Variants in CCDC88C observed in about 807,000 individuals in gnomAD.
CCDC88C encodes coiled-coil and HOOK domain protein 88C, also known as protein Daple.
CCDC88C carries 131 observed loss-of-function variants against 198.8 expected under a neutral mutation model. The ratio of observed to expected loss-of-function variants is 0.66; its 90% CI spans 0.57 to 0.76. CCDC88C has a LOEUF of 0.76. Ranked by LOEUF, CCDC88C falls within the 30% of genes least tolerant of loss-of-function variation. The pLI is 0.00. For missense variants in CCDC88C, 2,553 were observed against 2,631.6 expected, an observed-to-expected ratio of 0.97 and a Z score of 0.65; for synonymous variants, 1,166 against 1,114.7, an observed-to-expected ratio of 1.05 and a Z score of -0.92.
At chr14:91,307,277 T>C in intron 17 of CCDC88C, 51 bp from the exon 18 acceptor site, 4 of 1,575,218 alleles carry the variant, frequency 2.5e-6, no homozygotes, top group Non-Finnish European at 3.5e-6. Flanking sequence ...CAGCCTGGCC[T>C]GGAGCCCCGA....
chr14:91,327,384 C>T lies in CCDC88C; in HGVS notation c.1051-1328G>A, dbSNP rs551422110. 7.9e-5 allele frequency among the ~76,000 whole-genome samples: 12 copies of T among 152,312 alleles called. No homozygotes were observed. In the South Asian group the frequency reaches 1.7e-3, roughly 21 times the overall value. On this transcript the variant is annotated intron_variant, in intron 10 of 29. Coordinates refer to ENST00000389857, the MANE Select transcript of CCDC88C (RefSeq NM_001080414.4). Reference sequence around the variant, plus strand: ...GCCATTAAGTCTCTGGATTCACCTGCGTGCCCTCCTCTCGCTGCCTGTGCC... The same window carrying T: ...GCCATTAAGTCTCTGGATTCACCTGTGTGCCCTCCTCTCGCTGCCTGTGCC...
rs141811838 is a variant in CCDC88C at position 91,378,082 on chromosome 14, T to C, written c.271-18371A>G. Among the ~76,000 whole-genome samples the C allele has an allele frequency of 3.8e-3, 581 of 152,256 alleles. 1 individual carries two copies. Among genetic ancestry groups the C allele is most frequent in the African/African-American group, 0.013 (551 of 41,538 alleles). On this transcript the variant is annotated intron_variant, in intron 3 of 29. Transcript: ENST00000389857. ...AACATGACCTCTGGCCCTGTGGAGA[T>C]TACCAGCTCATTAAAAGACACACGC...
At chr14:91,302,692 C>T (rs1383977093) in intron 20 of CCDC88C, among the ~76,000 whole-genome samples, 1 of 152,160 alleles carries the variant, frequency 6.6e-6, no homozygotes, top group Admixed American at 6.5e-5. Flanking sequence ...AAATGACTGT[C>T]GAGAGTGCAT....
chr14:91,375,576 G>A (rs979748367), intron 3 of CCDC88C, among the ~76,000 whole-genome samples: 1 of 152,118 alleles, frequency 6.6e-6, no homozygotes, highest in Non-Finnish European at 1.5e-5. Context: ...ACCTGCTCAC[G>A]AGGCAGACCA....
intron 4 of CCDC88C, among the ~76,000 whole-genome samples, chr14:91,348,995 A>T (rs1203473705): frequency 2.0e-5 from 3 of 152,190 alleles, no homozygotes; most frequent in African/African-American, 7.2e-5. Flanking sequence ...CCGATGCCCA[A>T]TTTCTTTCAG....
intron 2 of CCDC88C, among the ~76,000 whole-genome samples, chr14:91,413,333 C>A (rs1277079258): frequency 1.3e-5 from 2 of 152,196 alleles, no homozygotes; most frequent in East Asian, 1.9e-4. Context: ...AAAATACCAT[C>A]CCCTTATTAC....
intron 15 of CCDC88C, among the ~76,000 whole-genome samples, chr14:91,311,568 C>G (rs186892463): frequency 7.7e-4 from 118 of 152,354 alleles, no homozygotes; most frequent in African/African-American, 2.8e-3. Flanking sequence ...GGTGCCTGAA[C>G]TGGGCCTTAA....
intron 3 of CCDC88C, among the ~76,000 whole-genome samples, chr14:91,375,520 G>A (rs906773044): frequency 3.3e-5 from 5 of 152,130 alleles, no homozygotes; most frequent in African/African-American, 1.2e-4. Flanking sequence ...ATCAAAGAGC[G>A]TTTTCGGGGA....
chr14:91,366,629 A>C (rs1894555775), intron 3 of CCDC88C, among the ~76,000 whole-genome samples: 1 of 152,256 alleles, frequency 6.6e-6, no homozygotes, highest in Admixed American at 6.5e-5. Flanking sequence ...TTGCCATTTT[A>C]AATAATAGCC....
At chr14:91,406,722 C>T (rs1416825252) in intron 3 of CCDC88C, among the ~76,000 whole-genome samples, 1 of 152,248 alleles carries the variant, frequency 6.6e-6, no homozygotes, top group Non-Finnish European at 1.5e-5. Context: ...GGCACAGCCA[C>T]CAGGCCCTCA....
chr14:91,272,687 G>A lies in CCDC88C; in HGVS notation c.6025C>T (p.Pro2009Ser). ...CSRGSVSKSS[P>S]ASPEPGGDPQ... is the part of the protein sequence containing the mutation. ...TCCCCGCCGGGCTCCGGGGAGGCCG[G>A]ACTGCTCTTTGAGACGCTCCCTCGA... The change falls in exon 30 of 30, where the codon CCG becomes TCG. Residue 2009 changes from proline to serine, a missense_variant. Pro to Ser is a moderately conservative substitution (Grantham distance 74). Around this residue, in one of 2 missense-constraint regions of CCDC88C, gnomAD observed 1,293 missense variants for 1,219.6 expected, o/e 1.06. Transcript: ENST00000389857. The A allele has an allele frequency of 6.2e-7, 1 of 1,611,698 alleles. No homozygotes were observed. Among genetic ancestry groups the A allele is most frequent in the South Asian group, 1.1e-5 (1 of 91,036 alleles).
intron 27 of CCDC88C, 178 bp from the exon 28 acceptor site, chr14:91,279,484 A>C (rs1270324098): frequency 1.8e-6 from 1 of 566,868 alleles, no homozygotes; most frequent in East Asian, 2.9e-5. Flanking sequence ...TCACTTCACC[A>C]ACGGAGTGCT....
At chr14:91,390,604 A>G (rs962893094) in intron 3 of CCDC88C, among the ~76,000 whole-genome samples, 13 of 152,186 alleles carry the variant, frequency 8.5e-5, no homozygotes, top group Non-Finnish European at 1.2e-4. Context: ...ACCAGGAGGC[A>G]AAGTCCATGG....
chr14:91,288,890 T>TTAAAA lies in CCDC88C; in HGVS notation c.4441+210_4441+214dup, dbSNP rs1890534055. On this transcript the variant is annotated intron_variant, in intron 25 of 29. Coordinates refer to ENST00000389857, the MANE Select transcript of CCDC88C (RefSeq NM_001080414.4). The surrounding 1 kb of genome is among the most constrained non-coding windows in gnomAD (Gnocchi z 4.2). ...AGAGTGAAACTCCATCTCAAAAAAA[T>TTAAAA]TAAAATAAAATATAAAATAAAGTAA... 6.3e-6 allele frequency: 3 copies of TTAAAA among 478,714 alleles called. No homozygotes were observed. The East Asian group carries it at 9.7e-5, about 15-fold the overall frequency. The allele number at this position is 478,714 out of a possible 1,614,324, so 29.7% of individuals were successfully genotyped here.
chr14:91,296,153 G>A (rs1042175138), intron 22 of CCDC88C, among the ~76,000 whole-genome samples: 4 of 152,146 alleles, frequency 2.6e-5, no homozygotes, highest in Non-Finnish European at 1.5e-5. Context: ...GGCCTGTTTG[G>A]GGGGACTGGT....
At chr14:91,362,248 G>GA (rs1555425393) in intron 3 of CCDC88C, among the ~76,000 whole-genome samples, 1 of 143,018 alleles carries the variant, frequency 7.0e-6, no homozygotes, top group African/African-American at 2.5e-5. Flanking sequence ...AAAAAAAAAA[G>GA]AAAAAAAAGA....
At chr14:91,306,702 A>G (rs138607421) in intron 18 of CCDC88C, among the ~76,000 whole-genome samples, 45 of 152,340 alleles carry the variant, frequency 3.0e-4, no homozygotes, top group African/African-American at 1.0e-3. Flanking sequence ...GACAACCTCT[A>G]AACAATGGGC....
At chr14:91,362,871 G>C (rs1452567754) in intron 3 of CCDC88C, among the ~76,000 whole-genome samples, 3 of 151,922 alleles carry the variant, frequency 2.0e-5, no homozygotes, top group Non-Finnish European at 2.9e-5. Flanking sequence ...GGAGGTTACA[G>C]TGAGCCGAGA....
chr14:91,287,636 C>CTTTT (rs71120129), intron 25 of CCDC88C, among the ~76,000 whole-genome samples: 29 of 75,652 alleles, frequency 3.8e-4, no homozygotes, highest in African/African-American at 7.7e-4. Context: ...TGCACCAGGT[C>CTTTT]TTTTTTTTTT....
Sources: allele counts gnomAD v4.1 joint callset (sites outside exome capture counted in the v4.1 genomes callset), GRCh38; gene constraint gnomAD v4.1.1; regional missense constraint gnomAD v4.1.1; non-coding constraint Gnocchi (gnomAD v3.1); transcripts MANE v1.5; gene names NCBI Gene and HGNC (gene_info 2026-07-23, HGNC 2026-07-21).